Variants in KIF20B observed in about 807,000 individuals in gnomAD.
KIF20B encodes the protein kinesin-like protein KIF20B.
In KIF20B, 188 loss-of-function variants were observed where a neutral mutation model predicts 232.5. The observed-to-expected ratio is 0.81, with a 90% confidence interval of 0.72 to 0.91. The LOEUF (loss-of-function observed/expected upper bound fraction) is 0.91, where lower values mean the gene tolerates loss of function less well. Ranked by LOEUF, KIF20B falls within the 40% of genes least tolerant of loss-of-function variation. The pLI, the probability that KIF20B is intolerant of heterozygous loss-of-function variation, is 0.00. For synonymous variants in KIF20B, 712 were observed against 683.0 expected (o/e 1.04, Z -0.66); for missense variants, 2,154 against 2,055.9 (o/e 1.05, Z -0.92).
At chr10:89,708,182 A>T (rs1842765008) in intron 2 of KIF20B, among the ~76,000 whole-genome samples, 1 of 149,902 alleles carries the variant, frequency 6.7e-6, no homozygotes, top group Non-Finnish European at 1.5e-5. Context: ...TTCTCTTCCT[A>T]TATTTTCTTA....
At chr10:89,753,115 A>G (rs1842052772) in intron 25 of KIF20B, among the ~76,000 whole-genome samples, 1 of 152,232 alleles carries the variant, frequency 6.6e-6, no homozygotes, top group Admixed American at 6.5e-5. Context: ...GAACACATAT[A>G]AAACTATACT....
At position 89,728,905 on chromosome 10, in the gene KIF20B, TTGTGTG is replaced by T. The variant is rs71022581; in HGVS notation, c.2272-185_2272-180del. Among the ~76,000 whole-genome samples, 957 of 138,058 alleles carry T rather than the reference TTGTGTG, an allele frequency of 6.9e-3. 3 individuals carry two copies. The highest frequency in any genetic ancestry group is 0.016 in the South Asian group (67 of 4,150). 90.6% of individuals were successfully genotyped at this position (138,058 alleles called of 152,430 possible). On this transcript the variant is annotated intron_variant, in intron 17 of 32. Coordinates refer to ENST00000371728, the MANE Select transcript of KIF20B (RefSeq NM_001284259.2). ...ATATGCTATATAGCTTCTTTTTTCT[TTGTGTG>T]TGTGTGTGTGTGTGTGTGTGTGTGT...
At chr10:89,724,664 C>T (rs140454807) in intron 14 of KIF20B, among the ~76,000 whole-genome samples, 2,561 of 152,038 alleles carry the variant, frequency 0.017, 88 homozygotes, top group African/African-American at 0.058. Context: ...TTGAGTGGTG[C>T]GATCTTGGCT....
intron 2 of KIF20B, among the ~76,000 whole-genome samples, chr10:89,708,708 A>G (rs1480971604): frequency 1.3e-5 from 2 of 152,178 alleles, no homozygotes; most frequent in African/African-American, 4.8e-5. Flanking sequence ...TTAAAAAAAC[A>G]TTAAAACATT....
intron 23 of KIF20B, 37 bp from the exon 24 acceptor site, chr10:89,751,309 G>A (rs2133150556): frequency 6.6e-7 from 1 of 1,522,200 alleles, no homozygotes; most frequent in South Asian, 1.2e-5. Flanking sequence ...ATATCTAGAG[G>A]CTATTAATTT....
chr10:89,738,602 G>A lies in KIF20B; in HGVS notation c.3761G>A (p.Arg1254Lys), dbSNP rs1027047459. The change falls in exon 20 of 33, where the codon AGG becomes AAG. Residue 1254 changes from arginine to lysine, a missense_variant. Arg to Lys is a conservative substitution (Grantham distance 26). Coordinates refer to ENST00000371728, the MANE Select transcript of KIF20B (RefSeq NM_001284259.2). ...AAAGAAGAAGAAGAAGAAACCAACA[G>A]GCAAGAAACAGAAAAGTAAGCTAAA... is the stretch of plus-strand genomic sequence containing the variant. ...QLKEEEEETN[R>K]QETEKLKEEL... 12 of 1,545,094 alleles carry A rather than the reference G, an allele frequency of 7.8e-6. No homozygotes were observed. The highest frequency in any genetic ancestry group is 1.4e-5 in the African/African-American group (1 of 71,266).
At chr10:89,740,002 C>T (rs984576540) in intron 21 of KIF20B, among the ~76,000 whole-genome samples, 5 of 151,936 alleles carry the variant, frequency 3.3e-5, no homozygotes, top group African/African-American at 9.7e-5. Flanking sequence ...ATTTTTTGCC[C>T]ATAGCCATAA....
chr10:89,714,330 T>G (rs1042099144), intron 7 of KIF20B, among the ~76,000 whole-genome samples: 7 of 152,038 alleles, frequency 4.6e-5, no homozygotes, highest in Admixed American at 1.3e-4. Context: ...AATAAAAAAA[T>G]TACCTGGGCG....
chr10:89,757,098 G>A (rs1486247786), intron 26 of KIF20B, among the ~76,000 whole-genome samples: 1 of 141,882 alleles, frequency 7.0e-6, no homozygotes, highest in Non-Finnish European at 1.5e-5. Context: ...AGATGATAGG[G>A]TATATATATG....
At chr10:89,761,166 AAC>A (rs920241713) in intron 28 of KIF20B, among the ~76,000 whole-genome samples, 4 of 152,152 alleles carry the variant, frequency 2.6e-5, no homozygotes, top group Non-Finnish European at 5.9e-5. Context: ...TTCTTTTTAA[AAC>A]ACATTTATTG....
chr10:89,772,797 A>G lies in KIF20B; in HGVS notation c.5351A>G (p.Glu1784Gly), dbSNP rs1842491053. Residue 1784 changes from glutamate (E) to glycine (G), a missense_variant, in exon 32 of 33, where the codon GAA becomes GGA. By Grantham distance (98) the Glu-to-Gly change is moderately conservative. Coordinates refer to ENST00000371728, the MANE Select transcript of KIF20B (RefSeq NM_001284259.2). Reference protein sequence around the residue: ...KRAKRKLYTSEISSPIDISGQ... With the variant: ...KRAKRKLYTSGISSPIDISGQ... ...GCCAAACGGAAATTATACACAAGTG[A>G]AATTTCATCTCCTATTGATATATCA... 1.9e-6 allele frequency: 3 copies of G among 1,610,688 alleles called. No individual in the cohort carries two copies. The highest frequency in any genetic ancestry group is 1.7e-6 in the Non-Finnish European group (2 of 1,178,070).
In KIF20B at chr10:89,774,126, G is replaced by T. The variant is rs1242709800; in HGVS notation, c.*78G>T. ...TGCATCCTGTATTGTAAATATAAAT[G>T]TATATATTATGCATTAAATCACTCT... On this transcript the variant is annotated 3_prime_UTR_variant, in exon 33 of 33. Coordinates refer to ENST00000371728, the MANE Select transcript of KIF20B (RefSeq NM_001284259.2). 1.2e-5 allele frequency: 10 copies of T among 835,918 alleles called. No homozygotes were observed. The highest frequency in any genetic ancestry group is 2.7e-5 in the East Asian group (1 of 36,904). The allele number at this position is 835,918 out of a possible 1,614,324, so 51.8% of individuals were successfully genotyped here.
rs139423559 is a variant in KIF20B at position 89,726,342 on chromosome 10, A to T, written c.2051A>T (p.Asp684Val). The change falls in exon 16 of 33, where the codon GAT becomes GTT. Residue 684 changes from aspartate to valine, a missense_variant. Transcript: ENST00000371728. ...GFEDIIDSLQ[D>V]NVADIKKQAE... Reference sequence around the variant, plus strand: ...GAAGATATTATTGATTCTCTTCAAGATAATGTTGCTGATATTAAGAAACAG... The same window carrying T: ...GAAGATATTATTGATTCTCTTCAAGTTAATGTTGCTGATATTAAGAAACAG... 2 of 1,552,654 alleles carry T rather than the reference A, an allele frequency of 1.3e-6. No homozygotes were observed. Among genetic ancestry groups the T allele is most frequent in the East Asian group, 4.9e-5 (2 of 40,962 alleles).
intron 18 of KIF20B, among the ~76,000 whole-genome samples, chr10:89,730,506 GA>G (rs1397331052): frequency 2.0e-5 from 3 of 152,140 alleles, no homozygotes; most frequent in African/African-American, 7.2e-5. Flanking sequence ...TTGTGGAGAT[GA>G]AAATGATTAA....
At chr10:89,743,274 C>T (rs942266340) in intron 21 of KIF20B, among the ~76,000 whole-genome samples, 14 of 152,122 alleles carry the variant, frequency 9.2e-5, no homozygotes, top group Admixed American at 8.5e-4. Flanking sequence ...CATAGTACCT[C>T]GATTTCCCTA....
Position 89,738,203 on chromosome 10 carries a change from T to C in KIF20B, c.3362T>C (p.Ile1121Thr), listed in dbSNP as rs368304916. The change falls in exon 20 of 33, where the codon ATA becomes ACA. Residue 1121 changes from isoleucine to threonine, a missense_variant. Coordinates refer to ENST00000371728, the MANE Select transcript of KIF20B (RefSeq NM_001284259.2). ...DDLLKEKETL[I>T]QQLKEELQEK... ...CTACTAAAAGAAAAAGAAACTCTTATACAGCAGCTGAAAGAAGAATTGCAA... is the reference window on the plus strand; with the variant it reads ...CTACTAAAAGAAAAAGAAACTCTTACACAGCAGCTGAAAGAAGAATTGCAA... 1.3e-5 allele frequency: 21 copies of C among 1,604,832 alleles called. 1 individual carries two copies. The Admixed American group carries it at 1.9e-4, about 14-fold the overall frequency.
intron 2 of KIF20B, 101 bp downstream of exon 2, chr10:89,705,542 A>G: frequency 7.2e-6 from 7 of 972,134 alleles, no homozygotes; most frequent in Non-Finnish European, 4.5e-6. Flanking sequence ...TTGTACTTAG[A>G]TACAAGCTAA....
At chr10:89,708,454 A>G (rs954055230) in intron 2 of KIF20B, among the ~76,000 whole-genome samples, 1 of 151,634 alleles carries the variant, frequency 6.6e-6, no homozygotes, top group South Asian at 2.1e-4. Flanking sequence ...CAGGTGATCC[A>G]CCCGCCTCGG....
Position 89,774,103 on chromosome 10 carries a change from C to T in KIF20B, c.*55C>T. 5 of 1,066,204 alleles carry T rather than the reference C, an allele frequency of 4.7e-6. No individual in the cohort carries two copies. In the East Asian group the frequency reaches 9.9e-5, roughly 21 times the overall value. The allele number at this position is 1,066,204 out of a possible 1,614,324, so 66.0% of individuals were successfully genotyped here. ...TTATAGTCATAGTCATTGGAACTTG[C>T]ATCCTGTATTGTAAATATAAATGTA... On this transcript the variant is annotated 3_prime_UTR_variant, in exon 33 of 33. Coordinates refer to ENST00000371728, the MANE Select transcript of KIF20B (RefSeq NM_001284259.2).
Sources: allele counts gnomAD v4.1 joint callset (sites outside exome capture counted in the v4.1 genomes callset), GRCh38; gene constraint gnomAD v4.1.1; transcripts MANE v1.5; gene names NCBI Gene and HGNC (gene_info 2026-07-23, HGNC 2026-07-21).